The following RUFY2 variants were observed in gnomAD, a reference collection of about 807,000 sequenced individuals.
RUFY2 encodes the protein RUN and FYVE domain containing 2.
RUFY2 carries 49 observed loss-of-function variants against 94.4 expected under a neutral mutation model. The observed-to-expected ratio is 0.52, with a 90% CI of 0.41 to 0.66. RUFY2 has a LOEUF of 0.66. Among genes scored for constraint, RUFY2 ranks in the 30% least tolerant of loss-of-function variants. The probability of loss-of-function intolerance (pLI) is 0.00; values close to 1 mark genes in which losing one functional copy is unlikely to be tolerated. For missense variants in RUFY2, 541 were observed against 692.8 expected (o/e 0.78, Z 2.46); for synonymous variants, 255 against 235.7 (o/e 1.08, Z -0.75).
chr10:68,386,031 T>G, intron 8 of RUFY2, 28 bp downstream of exon 8: 130 of 1,471,196 alleles, frequency 8.8e-5, no homozygotes, highest in Non-Finnish European at 1.1e-4. Context: ...ACTAGGTCCA[T>G]GAAATACATT....
rs904467569 is a variant in RUFY2 at position 68,389,522 on chromosome 10, G to A, written c.651-3394C>T. Among the ~76,000 whole-genome samples, 4 of 151,246 alleles carry A rather than the reference G, an allele frequency of 2.6e-5. No homozygotes were observed. The East Asian group carries it at 5.9e-4, about 22-fold the overall frequency. On this transcript the variant is annotated intron_variant, in intron 7 of 17. Transcript: ENST00000602465. ...GGAGAATCACTTGAAACTGGAAGGC[G>A]GAGGTTGCAGTGAGCCGAGATCACA...
At chr10:68,367,762 CCTTT>C (rs1356222534) in intron 13 of RUFY2, among the ~76,000 whole-genome samples, 18 of 114,820 alleles carry the variant, frequency 1.6e-4, no homozygotes, top group African/African-American at 4.3e-4. Context: ...CTCTTTCCTT[CCTTT>C]CTTTCTTTCT....
At chr10:68,405,997 T>C (rs1055767829) in intron 1 of RUFY2, among the ~76,000 whole-genome samples, 1 of 152,212 alleles carries the variant, frequency 6.6e-6, no homozygotes, top group Non-Finnish European at 1.5e-5. Flanking sequence ...TCAGTTTACT[T>C]AGAAATTCAG....
At position 68,379,520 on chromosome 10, in the gene RUFY2, C is replaced by G; in HGVS notation, c.1109G>C (p.Gly370Ala). The G allele has an allele frequency of 6.2e-7, 1 of 1,602,730 alleles. No individual in the cohort carries two copies. The highest frequency in any genetic ancestry group is 8.5e-7 in the Non-Finnish European group (1 of 1,173,852). ...TTTTTCTTTCAAGCCATCTTCAGAA[C>G]CCTATTTATAAAAACAAAAGCTATG... The part of the protein sequence containing the change: ...INIEMYQKLQ[G>A]SEDGLKEKNE... Residue 370 changes from glycine (G) to alanine (A), a missense_variant and splice_region_variant, in exon 12 of 18, where the codon GGT becomes GCT. This residue lies in a region of RUFY2 where 403 missense variants were observed against 480.7 expected (regional missense o/e 0.84). Transcript: ENST00000602465.
intron 12 of RUFY2, chr10:68,377,397 T>C (rs1303130020): frequency 9.9e-7 from 1 of 1,008,162 alleles, no homozygotes; most frequent in South Asian, 4.2e-5. Context: ...CTAGGATGTG[T>C]ATGCCAGGAA....
intron 7 of RUFY2, among the ~76,000 whole-genome samples, chr10:68,386,436 G>A (rs565263516): frequency 2.5e-4 from 38 of 152,136 alleles, no homozygotes; most frequent in African/African-American, 8.9e-4. Context: ...TGCAGCCTCC[G>A]CCTCCTGGGT....
chr10:68,377,135 T>C, intron 12 of RUFY2, 163 bp from the exon 13 acceptor site: 1 of 1,478,270 alleles, frequency 6.8e-7, no homozygotes, highest in Non-Finnish European at 9.0e-7. Flanking sequence ...AGCCACACAA[T>C]GTCTAGAAGT....
chr10:68,386,627 G>A (rs1490563490), intron 7 of RUFY2, among the ~76,000 whole-genome samples: 2 of 152,128 alleles, frequency 1.3e-5, no homozygotes, highest in Non-Finnish European at 2.9e-5. Context: ...GATTACAGGC[G>A]TGAGCAACAG....
chr10:68,399,107 G>A (rs12250092), intron 3 of RUFY2, among the ~76,000 whole-genome samples: 3 of 151,454 alleles, frequency 2.0e-5, no homozygotes, highest in Non-Finnish European at 2.9e-5. Context: ...GTAGTGATAC[G>A]ACCTTGGCTC....
At chr10:68,392,496 AG>A (rs2050072787) in intron 7 of RUFY2, among the ~76,000 whole-genome samples, 1 of 152,228 alleles carries the variant, frequency 6.6e-6, no homozygotes, top group African/African-American at 2.4e-5. Flanking sequence ...TTACATATGA[AG>A]CCCTTTGAAG....
chr10:68,366,357 GAA>G (rs2047817549), intron 13 of RUFY2, among the ~76,000 whole-genome samples: 10 of 145,830 alleles, frequency 6.9e-5, no homozygotes, highest in African/African-American at 2.5e-4. Context: ...AAAAGAGAGA[GAA>G]AGAAAAAGGA....
intron 10 of RUFY2, among the ~76,000 whole-genome samples, chr10:68,381,624 C>T (rs745850798): frequency 5.3e-5 from 8 of 152,282 alleles, no homozygotes; most frequent in Middle Eastern, 6.8e-3. Flanking sequence ...GTGGGTGGAT[C>T]ACTTGAGGTC....
At chr10:68,403,504 A>G (rs144019435) in intron 2 of RUFY2, among the ~76,000 whole-genome samples, 1,565 of 152,276 alleles carry the variant, frequency 0.01, 33 homozygotes, top group African/African-American at 0.035. Context: ...CACCCACCTC[A>G]GCCTCCCAAA....
chr10:68,378,022 A>G, intron 12 of RUFY2: 1 of 985,448 alleles, frequency 1.0e-6, no homozygotes, highest in Non-Finnish European at 1.2e-6. Flanking sequence ...AGGTTACAAA[A>G]AGGAAAATAG....
intron 7 of RUFY2, among the ~76,000 whole-genome samples, chr10:68,389,491 G>C (rs552857900): frequency 1.3e-5 from 2 of 152,136 alleles, no homozygotes; most frequent in South Asian, 2.1e-4. Flanking sequence ...TCAGGAGCCT[G>C]AGGCAGGAGA....
chr10:68,381,586 T>C (rs892861853), intron 10 of RUFY2, among the ~76,000 whole-genome samples, 187 bp from the exon 11 acceptor site: 5 of 152,228 alleles, frequency 3.3e-5, no homozygotes, highest in Non-Finnish European at 7.3e-5. Context: ...GGCTCATACC[T>C]GTAATCCCAG....
intron 16 of RUFY2, among the ~76,000 whole-genome samples, chr10:68,351,004 C>T (rs1244269337): frequency 6.6e-6 from 1 of 152,034 alleles, no homozygotes; most frequent in Admixed American, 6.6e-5. Flanking sequence ...AGCCACCGTG[C>T]CCCGCCCCAC....
chr10:68,407,103 C>G, intron 1 of RUFY2, 83 bp downstream of exon 1: 1 of 1,516,448 alleles, frequency 6.6e-7, no homozygotes, highest in Non-Finnish European at 8.8e-7. Context: ...GCGTCTCCCC[C>G]AGCTCCCAGT....
chr10:68,365,815 A>AGTGAGGACTTACTGTGTATGTTACATAAT (rs2047768715), intron 13 of RUFY2, among the ~76,000 whole-genome samples: 11 of 152,282 alleles, frequency 7.2e-5, no homozygotes, highest in Admixed American at 7.2e-4. Context: ...GATGCCATTA[A>AGTGAGGACTTACTGTGTATGTTACATAAT]GTGAGGACTT....
Sources: gnomAD v4.1 joint callset for allele counts (sites outside exome capture counted in the v4.1 genomes callset) on GRCh38, gnomAD v4.1.1 for gene constraint, gnomAD v4.1.1 regional missense constraint, MANE v1.5 for transcripts, NCBI Gene and HGNC (gene_info 2026-07-23, HGNC 2026-07-21) for gene names.